Variants in SCAP observed in about 807,000 individuals in gnomAD.
SCAP encodes the protein SREBF chaperone.
In SCAP, 65 loss-of-function variants were observed where a neutral mutation model predicts 123.6. The ratio of observed to expected loss-of-function variants is 0.53; its 90% confidence interval spans 0.43 to 0.65. The LOEUF is 0.65. Ranked by LOEUF, SCAP falls within the 30% of genes least tolerant of loss-of-function variation. The pLI, the probability that SCAP is intolerant of heterozygous loss-of-function variation, is 0.00. For missense variants in SCAP, 1,398 were observed against 1,712.5 expected, an observed-to-expected ratio of 0.82 and a Z score of 3.24; for synonymous variants, 740 against 726.3, an observed-to-expected ratio of 1.02 and a Z score of -0.30.
chr3:47,437,313 C>A (rs972252600), intron 2 of SCAP, among the ~76,000 whole-genome samples: 1 of 151,024 alleles, frequency 6.6e-6, no homozygotes, highest in African/African-American at 2.4e-5. Flanking sequence ...GTGGCGTATG[C>A]CTGTAATCCC....
At chr3:47,473,116 G>GTAC (rs146029417) in intron 1 of SCAP, among the ~76,000 whole-genome samples, 1,271 of 114,886 alleles carry the variant, frequency 0.011, 21 homozygotes, top group African/African-American at 0.039. Flanking sequence ...GTGGAAGCAG[G>GTAC]TACAAGAACA....
chr3:47,417,020 T>C (rs912261484), intron 18 of SCAP, 102 bp downstream of exon 18: 36 of 1,002,500 alleles, frequency 3.6e-5, no homozygotes, highest in African/African-American at 8.0e-5. Flanking sequence ...AATCGAATCA[T>C]ACAGTACAGC....
chr3:47,447,417 C>A (rs1018931637), intron 1 of SCAP, among the ~76,000 whole-genome samples: 1 of 151,948 alleles, frequency 6.6e-6, no homozygotes, highest in African/African-American at 2.4e-5. Flanking sequence ...AGGCCAGGCG[C>A]GGTGGCTCAC....
chr3:47,468,445 G>C (rs1707913604), intron 1 of SCAP, among the ~76,000 whole-genome samples: 1 of 152,118 alleles, frequency 6.6e-6, no homozygotes, highest in Non-Finnish European at 1.5e-5. Context: ...TTGTGGTTTT[G>C]ATTTGCATTT....
chr3:47,418,953 G>A, intron 13 of SCAP, 110 bp from the exon 14 acceptor site: 1 of 1,175,760 alleles, frequency 8.5e-7, no homozygotes, highest in Non-Finnish European at 1.2e-6. Context: ...AGCTCCACCG[G>A]CCAGACTCTC....
chr3:47,422,057 C>T (rs924786002), intron 10 of SCAP, among the ~76,000 whole-genome samples: 7 of 152,272 alleles, frequency 4.6e-5, no homozygotes, highest in African/African-American at 1.4e-4. Flanking sequence ...AGGAACCCCA[C>T]GGTGCTTCTC....
At chr3:47,424,069 G>T in intron 8 of SCAP, 24 bp from the exon 9 acceptor site, 1 of 1,572,742 alleles carries the variant, frequency 6.4e-7, no homozygotes, top group Non-Finnish European at 8.8e-7. Flanking sequence ...AGGAGAAGGT[G>T]AGGACAGTGT....
chr3:47,438,986 A>G (rs1393635793), intron 2 of SCAP, among the ~76,000 whole-genome samples: 1 of 152,124 alleles, frequency 6.6e-6, no homozygotes, highest in Non-Finnish European at 1.5e-5. Flanking sequence ...AACAATGAAA[A>G]ACTCATACAT....
chr3:47,476,944 T>C (rs1237110883), upstream of SCAP: 1 of 153,520 alleles, frequency 6.5e-6, no homozygotes, highest in Non-Finnish European at 1.5e-5. Flanking sequence ...GCTACCTGGA[T>C]AAGGCAGGCC....
Position 47,443,310 on chromosome 3 carries a change from T to C in SCAP, c.-98-219A>G, listed in dbSNP as rs1166466090. On this transcript the variant is annotated intron_variant, in intron 1 of 22. Transcript: ENST00000265565. ...CTCTCTCTCTCTCTCTCTCTCTCTC[T>C]CCCTCCCCGCCCAACTCCCTCCCTC... The C allele has an allele frequency of 2.6e-4, 61 of 238,924 alleles. 2 individuals are homozygous for C. The East Asian group carries it at 3.7e-3, about 14-fold the overall frequency. The allele number at this position is 238,924 out of a possible 1,614,324, so 14.8% of individuals were successfully genotyped here.
At chr3:47,422,047 A>T (rs553096387) in intron 10 of SCAP, among the ~76,000 whole-genome samples, 24 of 152,408 alleles carry the variant, frequency 1.6e-4, no homozygotes, top group African/African-American at 5.3e-4. Context: ...GGAAGGGTCT[A>T]GGAACCCCAC....
At chr3:47,447,873 C>T (rs573198025) in intron 1 of SCAP, among the ~76,000 whole-genome samples, 1 of 151,496 alleles carries the variant, frequency 6.6e-6, no homozygotes, top group African/African-American at 2.4e-5. Context: ...GGCATGGTGG[C>T]GTGTGCCTGT....
chr3:47,421,369 T>G (rs920320762), intron 10 of SCAP: 1 of 266,508 alleles, frequency 3.8e-6, no homozygotes, highest in Non-Finnish European at 7.5e-6. Flanking sequence ...CAAAAAGTCC[T>G]TCCCCACTGA....
intron 1 of SCAP, among the ~76,000 whole-genome samples, chr3:47,455,333 G>A (rs1303397909): frequency 2.0e-5 from 3 of 151,400 alleles, no homozygotes; most frequent in Non-Finnish European, 4.4e-5. Context: ...AGTGGCTCAC[G>A]CCTGTAATCT....
At chr3:47,458,343 C>T (rs533875400) in intron 1 of SCAP, among the ~76,000 whole-genome samples, 8 of 151,804 alleles carry the variant, frequency 5.3e-5, no homozygotes, top group South Asian at 2.1e-4. Context: ...GCAGGAGAAT[C>T]GCTTGAACCC....
intron 1 of SCAP, among the ~76,000 whole-genome samples, chr3:47,455,545 G>A (rs1576304334): frequency 6.8e-6 from 1 of 146,854 alleles, no homozygotes; most frequent in African/African-American, 2.5e-5. Flanking sequence ...CAGTGAGCCG[G>A]GATTGCACCA....
intron 1 of SCAP, among the ~76,000 whole-genome samples, chr3:47,462,032 T>C (rs1482464542): frequency 1.3e-5 from 2 of 151,928 alleles, no homozygotes; most frequent in African/African-American, 4.8e-5. Context: ...AGACTCCATC[T>C]CAAAAAAAAG....
chr3:47,414,566 G>A lies in SCAP; in HGVS notation c.3387+6C>T, dbSNP rs188223716. On this transcript the variant is annotated splice_donor_region_variant and intron_variant, in intron 21 of 22. Coordinates refer to ENST00000265565, the MANE Select transcript of SCAP (RefSeq NM_012235.4). Reference sequence around the variant, plus strand: ...GTACCCCCTACCCCACCTGCAGGCCGCTTACCTGGTCAATGTACACGGTCG... The same window carrying A: ...GTACCCCCTACCCCACCTGCAGGCCACTTACCTGGTCAATGTACACGGTCG... The A allele has an allele frequency of 7.1e-5, 114 of 1,613,348 alleles. 1 individual carries two copies. The Admixed American group carries it at 1.0e-3, about 15-fold the overall frequency.
intron 1 of SCAP, among the ~76,000 whole-genome samples, chr3:47,467,531 G>C (rs144849894): frequency 2.0e-5 from 3 of 151,956 alleles, no homozygotes; most frequent in Non-Finnish European, 4.4e-5. Context: ...CTTGGGACCA[G>C]AGGCTTGAGG....
Sources: gnomAD v4.1 joint callset for allele counts (sites outside exome capture counted in the v4.1 genomes callset) on GRCh38, gnomAD v4.1.1 for gene constraint, MANE v1.5 for transcripts, NCBI Gene and HGNC (gene_info 2026-07-23, HGNC 2026-07-21) for gene names.